The following SLC35E1 variants were observed in gnomAD, a reference collection of about 807,000 sequenced individuals.
SLC35E1 encodes the protein solute carrier family 35, member E1.
A neutral mutation model predicts 31.0 loss-of-function variants in SLC35E1; 12 were observed. The ratio of observed to expected loss-of-function variants is 0.39; its 90% CI spans 0.25 to 0.63. SLC35E1 has a LOEUF of 0.63. Ranked by LOEUF, SLC35E1 falls within the 20% of genes least tolerant of loss-of-function variation. The pLI is 0.52. For synonymous variants in SLC35E1, 257 were observed against 264.1 expected (o/e 0.97, Z 0.26); for missense variants, 429 against 572.2 (o/e 0.75, Z 2.55).
In SLC35E1 at chr19:16,553,633, G is replaced by C. The variant is rs770596623; in HGVS notation, c.*46C>G. Reference sequence around the variant, plus strand: ...TCAGAAGTTTCTGATACTGCTGTGGGGGCCGGGGAAGGAGTCACCAACAGT... The same window carrying C: ...TCAGAAGTTTCTGATACTGCTGTGGCGGCCGGGGAAGGAGTCACCAACAGT... On this transcript the variant is annotated 3_prime_UTR_variant, in exon 6 of 6. Coordinates refer to ENST00000595753, the MANE Select transcript of SLC35E1 (RefSeq NM_024881.5). 4.6e-5 allele frequency: 64 copies of C among 1,406,282 alleles called. 1 individual carries two copies. The highest frequency in any genetic ancestry group is 5.7e-5 in the Non-Finnish European group (60 of 1,059,576). 87.1% of individuals were successfully genotyped at this position (1,406,282 alleles called of 1,614,324 possible). A position where few individuals can be genotyped will look rare whatever the true frequency, so the allele number is the denominator to read the frequency against.
Position 16,555,406 on chromosome 19 carries a change from A to G in SLC35E1, c.757-9T>C, listed in dbSNP as rs201753424. 8.1e-6 allele frequency: 13 copies of G among 1,612,632 alleles called. No individual in the cohort carries two copies. Among genetic ancestry groups the G allele is most frequent in the Non-Finnish European group, 1.0e-5 (12 of 1,179,696 alleles). On this transcript the variant is annotated splice_polypyrimidine_tract_variant and intron_variant, in intron 4 of 5. Coordinates refer to ENST00000595753, the MANE Select transcript of SLC35E1 (RefSeq NM_024881.5). The surrounding 1 kb of genome is among the most constrained non-coding windows in gnomAD (Gnocchi z 4.1). ...CACTGGTAGACGTAGGTCTGCAGAG[A>G]CCGGAAGGTAAAGACAGCACTTCAG...
chr19:16,570,748 G>A (rs2085953539), intron 2 of SLC35E1, among the ~76,000 whole-genome samples: 1 of 152,090 alleles, frequency 6.6e-6, no homozygotes, highest in African/African-American at 2.4e-5. Flanking sequence ...CGAACTCCTT[G>A]GATCGCGTCT....
chr19:16,562,345 T>C (rs1344776982), intron 4 of SLC35E1, among the ~76,000 whole-genome samples: 1 of 152,140 alleles, frequency 6.6e-6, no homozygotes, highest in African/African-American at 2.4e-5. Flanking sequence ...TATGAAGAGC[T>C]CTCTGGGACG....
intron 3 of SLC35E1, among the ~76,000 whole-genome samples, chr19:16,567,349 T>C (rs1037334111): frequency 6.6e-6 from 1 of 152,010 alleles, no homozygotes; most frequent in African/African-American, 2.4e-5. Context: ...TTGTTTTAAA[T>C]TGAAGTTTTT....
intron 4 of SLC35E1, among the ~76,000 whole-genome samples, chr19:16,558,016 G>A (rs2085883657): frequency 1.3e-5 from 2 of 151,814 alleles, no homozygotes; most frequent in Non-Finnish European, 2.9e-5. Flanking sequence ...GTTTCATCGT[G>A]TTAGCCAGGA....
At chr19:16,556,730 G>A (rs1161458605) in intron 4 of SLC35E1, among the ~76,000 whole-genome samples, 12 of 152,252 alleles carry the variant, frequency 7.9e-5, no homozygotes, top group Admixed American at 7.9e-4. Context: ...CAGGAGGACA[G>A]AGCTGGCTCA....
In SLC35E1 at chr19:16,566,607, G is replaced by A. The variant is rs11540419; in HGVS notation, c.681C>T (p.Gly227=). The part of the protein sequence containing the change: ...IHHLRLLNIL[G]CHAVFFMIPT... The stretch of plus-strand genomic sequence containing the variant: ...GGATCATAAAGAAGACGGCGTGGCA[G>A]CCCAGGATGTTGAGCAGCCGGAGAT... The change falls in exon 4 of 6, where the codon GGC becomes GGT. Residue 227 remains glycine (G), a synonymous_variant. Coordinates refer to ENST00000595753, the MANE Select transcript of SLC35E1 (RefSeq NM_024881.5). The A allele has an allele frequency of 6.2e-7, 1 of 1,612,552 alleles. No individual in the cohort carries two copies. Among genetic ancestry groups the A allele is most frequent in the African/African-American group, 1.3e-5 (1 of 74,870 alleles).
rs1158721330 is a variant in SLC35E1, at chr19:16,572,392, C to T, written c.-28G>A. Reference sequence around the variant, plus strand: ...TGCCCGAGCGGCCGCCCCTTCCAGCCCGTCCGACGGCCCGACGCCGGGCGG... The same window carrying T: ...TGCCCGAGCGGCCGCCCCTTCCAGCTCGTCCGACGGCCCGACGCCGGGCGG... On this transcript the variant is annotated 5_prime_UTR_variant, in exon 1 of 6. Coordinates refer to ENST00000595753, the MANE Select transcript of SLC35E1 (RefSeq NM_024881.5). This position sits in a 1 kb window ranked among gnomAD's most constrained non-coding sequence, Gnocchi z 4.1. The T allele has an allele frequency of 2.0e-6, 2 of 993,206 alleles. No homozygotes were observed. The highest frequency in any genetic ancestry group is 3.5e-5 in the African/African-American group (2 of 57,008). The allele number at this position is 993,206 out of a possible 1,614,324, so 61.5% of individuals were successfully genotyped here. A position where few individuals can be genotyped will look rare whatever the true frequency, so the allele number is the denominator to read the frequency against.
At chr19:16,559,168 T>C (rs886546144) in intron 4 of SLC35E1, among the ~76,000 whole-genome samples, 2 of 151,838 alleles carry the variant, frequency 1.3e-5, no homozygotes, top group African/African-American at 4.8e-5. Flanking sequence ...ATATAAAAAT[T>C]AGCCAGGCAT....
At chr19:16,571,909 C>T (rs910681398) in intron 1 of SLC35E1, 35 bp downstream of exon 1, 77 of 1,525,106 alleles carry the variant, frequency 5.0e-5, no homozygotes, top group Non-Finnish European at 6.7e-5. Context: ...GCGGCGGGCC[C>T]GGCCGCCGCC....
chr19:16,570,824 C>T (rs1365075888), intron 2 of SLC35E1, among the ~76,000 whole-genome samples: 3 of 152,188 alleles, frequency 2.0e-5, no homozygotes, highest in Non-Finnish European at 4.4e-5. Flanking sequence ...TAGCCAAGTG[C>T]AGTGGCTGAC....
chr19:16,555,342 C>T lies in SLC35E1; in HGVS notation c.812G>A (p.Cys271Tyr), dbSNP rs758132299. 5 of 1,614,094 alleles carry T rather than the reference C, an allele frequency of 3.1e-6. No homozygotes were observed. The highest frequency in any genetic ancestry group is 3.3e-5 in the Admixed American group (2 of 60,006). Residue 271 changes from cysteine to tyrosine, a missense_variant, in exon 5 of 6, where the codon TGT becomes TAT. Physicochemically the swap from Cys to Tyr is radical, Grantham distance 194. Coordinates refer to ENST00000595753, the MANE Select transcript of SLC35E1 (RefSeq NM_024881.5). This position sits in a 1 kb window ranked among gnomAD's most constrained non-coding sequence, Gnocchi z 4.1. Reference protein sequence around the residue: ...TLLLLAVSGFCNFAQNVIAFS... With the variant: ...TLLLLAVSGFYNFAQNVIAFS... Reference sequence around the variant, plus strand: ...GGCGATAACATTCTGGGCAAAGTTACAGAAGCCGCTGACAGCCAGGAGCAG... The same window carrying T: ...GGCGATAACATTCTGGGCAAAGTTATAGAAGCCGCTGACAGCCAGGAGCAG...
intron 4 of SLC35E1, chr19:16,565,490 G>GT (rs1169426519): frequency 5.7e-6 from 1 of 176,716 alleles, no homozygotes; most frequent in Non-Finnish European, 1.2e-5. Context: ...GATTATAGGC[G>GT]TAAGCCACCA....
intron 2 of SLC35E1, among the ~76,000 whole-genome samples, chr19:16,570,965 G>A (rs1225582760): frequency 6.6e-6 from 1 of 152,018 alleles, no homozygotes; most frequent in Non-Finnish European, 1.5e-5. Context: ...AGGTGTGGTA[G>A]TGCACGTCTG....
chr19:16,559,467 C>T (rs62116867), intron 4 of SLC35E1, among the ~76,000 whole-genome samples: 1 of 29,048 alleles, frequency 3.4e-5, no homozygotes, highest in East Asian at 1.1e-3. Flanking sequence ...AAAAAATACA[C>T]ACACACACAC....
At chr19:16,567,928 T>C (rs1239426778) in intron 3 of SLC35E1, 104 bp downstream of exon 3, 11 of 1,420,298 alleles carry the variant, frequency 7.7e-6, no homozygotes, top group Admixed American at 2.6e-5. Context: ...TTTTCTGCTC[T>C]AATAGCAAAG....
chr19:16,562,902 G>A (rs1039919485), intron 4 of SLC35E1, among the ~76,000 whole-genome samples: 2 of 152,090 alleles, frequency 1.3e-5, no homozygotes, highest in Admixed American at 6.6e-5. Context: ...ACGTAGAGAC[G>A]GGGTTTCACC....
At position 16,553,201 on chromosome 19, in the gene SLC35E1, TGC is replaced by T. The variant is rs2085854601; in HGVS notation, c.*476_*477del. The stretch of plus-strand genomic sequence containing the variant: ...TGACCCTGTTGGTCCTATGCGTATC[TGC>T]GCCAGGGAATTAAACTAGCCAGTCT... On this transcript the variant is annotated 3_prime_UTR_variant, in exon 6 of 6. Coordinates refer to ENST00000595753, the MANE Select transcript of SLC35E1 (RefSeq NM_024881.5). 1 of 152,444 alleles carries T rather than the reference TGC, an allele frequency of 6.6e-6. No individual in the cohort carries two copies. Among genetic ancestry groups the T allele is most frequent in the Non-Finnish European group, 1.5e-5 (1 of 68,266 alleles). 9.4% of individuals were successfully genotyped at this position (152,444 alleles called of 1,614,324 possible).
intron 2 of SLC35E1, among the ~76,000 whole-genome samples, chr19:16,570,085 A>G (rs1043241961): frequency 2.0e-5 from 3 of 152,232 alleles, no homozygotes; most frequent in Admixed American, 6.5e-5. Flanking sequence ...TTATGATGTC[A>G]TTATAATTAG....
Sources: gnomAD v4.1 joint callset for allele counts (sites outside exome capture counted in the v4.1 genomes callset) on GRCh38, gnomAD v4.1.1 for gene constraint, Gnocchi (gnomAD v3.1) non-coding constraint, MANE v1.5 for transcripts, NCBI Gene and HGNC (gene_info 2026-07-23, HGNC 2026-07-21) for gene names.